NECTIN3: variants seen among roughly 807,000 people sequenced by gnomAD.
NECTIN3 encodes nectin cell adhesion molecule 3.
Under a neutral mutation model 49.4 loss-of-function variants are expected in NECTIN3, and 8 were observed. The ratio of observed to expected loss-of-function variants is 0.16; its 90% CI spans 0.10 to 0.29. NECTIN3 has a LOEUF of 0.29. NECTIN3 is among the 10% of genes least tolerant of loss of function. NECTIN3 has a pLI of 1.00. For synonymous variants in NECTIN3, 277 were observed against 241.1 expected (o/e 1.15, Z -1.38); for missense variants, 581 against 654.6 (o/e 0.89, Z 1.23).
chr3:111,080,688 A>G (rs1291292273), intron 1 of NECTIN3, among the ~76,000 whole-genome samples: 1 of 152,116 alleles, frequency 6.6e-6, no homozygotes, highest in African/African-American at 2.4e-5. Flanking sequence ...CAAAAAAAAA[A>G]AAAAAGGACT....
chr3:111,136,705 G>A lies in NECTIN3; in HGVS notation c.*2490G>A, dbSNP rs2034588020. The stretch of plus-strand genomic sequence containing the variant: ...AAAATGAATATTTGTACTATTTTTG[G>A]CCATATTTATATTTATTTCTTTCAT... On this transcript the variant is annotated 3_prime_UTR_variant, in exon 6 of 6. Transcript: ENST00000485303. The A allele has an allele frequency of 2.2e-6, 2 of 914,784 alleles. No homozygotes were observed. Among genetic ancestry groups the A allele is most frequent in the South Asian group, 5.0e-5 (1 of 19,832 alleles). The allele number at this position is 914,784 out of a possible 1,614,324, so 56.7% of individuals were successfully genotyped here. A position where few individuals can be genotyped will look rare whatever the true frequency, so the allele number is the denominator to read the frequency against.
chr3:111,194,141 A>C (rs1262709536), intron 1 of NECTIN3, among the ~76,000 whole-genome samples: 3 of 152,128 alleles, frequency 2.0e-5, no homozygotes, highest in Non-Finnish European at 4.4e-5. Context: ...CCTATTTTGC[A>C]CCTATTAAAT....
At chr3:111,139,219 C>T (rs2034679317), downstream of NECTIN3, among the ~76,000 whole-genome samples, 1 of 151,612 alleles carries the variant, frequency 6.6e-6, no homozygotes, top group Non-Finnish European at 1.5e-5. Context: ...TAATAATTCC[C>T]TAACATTCTG....
At chr3:111,119,029 T>C in intron 3 of NECTIN3, 77 bp downstream of exon 3, 1 of 1,223,850 alleles carries the variant, frequency 8.2e-7, no homozygotes, top group East Asian at 2.5e-5. Context: ...GAATATTTAA[T>C]AGCTTTTCCT....
At chr3:111,159,192 T>C (rs1377279654) in intron 7 of NECTIN3, among the ~76,000 whole-genome samples, 1 of 152,214 alleles carries the variant, frequency 6.6e-6, no homozygotes, top group Non-Finnish European at 1.5e-5. Flanking sequence ...ATTTTTGCTC[T>C]AGTAGATTTA....
intron 1 of NECTIN3, among the ~76,000 whole-genome samples, chr3:111,193,982 T>C (rs1559825975): frequency 1.3e-5 from 2 of 152,208 alleles, no homozygotes; most frequent in African/African-American, 4.8e-5. Context: ...TGTGTTATTA[T>C]GATATATATT....
At chr3:111,131,622 CT>C (rs932737042) in intron 5 of NECTIN3, among the ~76,000 whole-genome samples, 1 of 151,714 alleles carries the variant, frequency 6.6e-6, no homozygotes, top group African/African-American at 2.4e-5. Context: ...TAAAGTAACC[CT>C]TTTGGTTAGA....
chr3:111,071,982 G>GA lies in NECTIN3; in HGVS notation c.-36_-35insA. The GA allele has an allele frequency of 1.1e-5, 15 of 1,397,144 alleles. No homozygotes were observed. The highest frequency in any genetic ancestry group is 1.6e-5 in the South Asian group (1 of 64,032). The allele number at this position is 1,397,144 out of a possible 1,614,324, so 86.5% of individuals were successfully genotyped here. On this transcript the variant is annotated 5_prime_UTR_variant, in exon 1 of 6. Transcript: ENST00000485303. Reference sequence around the variant, plus strand: ...GGCGCCGGGGCCGGGGGAGCCGGGGGGCGGGCGGGCGAGCGGGCCGGGGGG... The same window carrying GA: ...GGCGCCGGGGCCGGGGGAGCCGGGGGAGCGGGCGGGCGAGCGGGCCGGGGGG...
intron 1 of NECTIN3, among the ~76,000 whole-genome samples, chr3:111,088,147 A>G (rs892095964): frequency 2.6e-5 from 4 of 152,042 alleles, no homozygotes; most frequent in African/African-American, 9.7e-5. Context: ...GAATAGAGTA[A>G]TGCCCTCCCT....
intron 5 of NECTIN3, among the ~76,000 whole-genome samples, chr3:111,132,341 G>A (rs2034425861): frequency 6.6e-6 from 1 of 151,548 alleles, no homozygotes; most frequent in Non-Finnish European, 1.5e-5. Context: ...TATACATATG[G>A]CATTCCGTGA....
intron 1 of NECTIN3, among the ~76,000 whole-genome samples, chr3:111,084,543 G>T (rs2107373159): frequency 6.6e-6 from 1 of 152,280 alleles, no homozygotes; most frequent in East Asian, 1.9e-4. Flanking sequence ...AAGTAGAATA[G>T]AGTCAGACTG....
intron 7 of NECTIN3, among the ~76,000 whole-genome samples, chr3:111,165,030 TA>T (rs2035290456): frequency 6.6e-6 from 1 of 151,962 alleles, no homozygotes; most frequent in South Asian, 2.1e-4. Flanking sequence ...AGATGTTTTT[TA>T]TTTTTTTATT....
At chr3:111,168,101 G>C (rs1375260640) in intron 7 of NECTIN3, among the ~76,000 whole-genome samples, 1 of 152,046 alleles carries the variant, frequency 6.6e-6, no homozygotes, top group Non-Finnish European at 1.5e-5. Context: ...TAGAATTTTG[G>C]AGCATTTCAG....
intron 7 of NECTIN3, among the ~76,000 whole-genome samples, chr3:111,168,059 T>C (rs1436071799): frequency 2.0e-5 from 3 of 152,190 alleles, no homozygotes; most frequent in Admixed American, 6.5e-5. Context: ...AAAAGCATTT[T>C]CTTTGAGTGT....
intron 3 of NECTIN3, among the ~76,000 whole-genome samples, chr3:111,119,371 C>A (rs4682033): frequency 0.027 from 4,181 of 152,192 alleles, 212 homozygotes; most frequent in African/African-American, 0.096. Context: ...GCTGGACTGC[C>A]GCCAGGCTGG....
At chr3:111,143,549 A>T (rs2107506589) in intron 5 of NECTIN3, among the ~76,000 whole-genome samples, 1 of 152,094 alleles carries the variant, frequency 6.6e-6, no homozygotes, top group African/African-American at 2.4e-5. Flanking sequence ...AATACTTATA[A>T]ATATGTATTT....
chr3:111,126,242 C>T lies in NECTIN3; in HGVS notation c.976C>T (p.His326Tyr), dbSNP rs766800647. ...TTCAGACAATACTCTTCATTTTGTC[C>T]ATCCATTGACTTTCAATTATTCTGG... The part of the protein sequence containing the change: ...LASDNTLHFV[H>Y]PLTFNYSGVY... The change falls in exon 5 of 6, where the codon CAT becomes TAT. Residue 326 changes from histidine (H) to tyrosine (Y), a missense_variant. His to Tyr is a moderately conservative substitution (Grantham distance 83, BLOSUM62 2). Coordinates refer to ENST00000485303, the MANE Select transcript of NECTIN3 (RefSeq NM_015480.3). 46 of 1,608,662 alleles carry T rather than the reference C, an allele frequency of 2.9e-5. No individual in the cohort carries two copies. Among genetic ancestry groups the T allele is most frequent in the Non-Finnish European group, 3.8e-5 (45 of 1,178,236 alleles).
At chr3:111,154,230 A>G (rs934863705) in intron 7 of NECTIN3, among the ~76,000 whole-genome samples, 2 of 152,116 alleles carry the variant, frequency 1.3e-5, no homozygotes, top group Non-Finnish European at 2.9e-5. Context: ...TCTGTCATGT[A>G]TTAGTTTACA....
intron 7 of NECTIN3, among the ~76,000 whole-genome samples, chr3:111,170,965 TCTTAA>T (rs1287232058): frequency 6.6e-6 from 1 of 152,186 alleles, no homozygotes; most frequent in African/African-American, 2.4e-5. Flanking sequence ...GAATTTGGGT[TCTTAA>T]CTTCTATTCC....
Sources: allele counts gnomAD v4.1 joint callset (sites outside exome capture counted in the v4.1 genomes callset), GRCh38; gene constraint gnomAD v4.1.1; transcripts MANE v1.5; gene names NCBI Gene and HGNC (gene_info 2026-07-23, HGNC 2026-07-21).